The following LRRD1 variants were observed in gnomAD, a reference collection of about 807,000 sequenced individuals.
The protein encoded by LRRD1 is leucine-rich repeat and death domain-containing protein 1.
Under a neutral mutation model 69.5 loss-of-function variants are expected in LRRD1, and 49 were observed. The observed-to-expected ratio is 0.70, with a 90% CI of 0.56 to 0.89. LRRD1 has a LOEUF of 0.89. LRRD1 is among the 40% of genes least tolerant of loss of function. The probability of loss-of-function intolerance (pLI) is 0.00; values close to 1 mark genes in which losing one functional copy is unlikely to be tolerated. For synonymous variants in LRRD1, 303 were observed against 338.9 expected (o/e 0.89, Z 1.16); for missense variants, 853 against 956.0 (o/e 0.89, Z 1.42).
chr7:92,163,411 T>C lies in LRRD1; in HGVS notation c.1792A>G (p.Ile598Val). 1 of 1,547,966 alleles carries C rather than the reference T, an allele frequency of 6.5e-7. No homozygotes were observed. Reference sequence around the variant, plus strand: ...TTCTGGATTCCTTTTAAATTACAGATGTCTGAAGAGATTTTCTGTAATTGG... The same window carrying C: ...TTCTGGATTCCTTTTAAATTACAGACGTCTGAAGAGATTTTCTGTAATTGG... ...ENQLQKISSD[I>V]CNLKGIQKLN... The change falls in exon 2 of 6, where the codon ATC becomes GTC. Residue 598 changes from isoleucine (I) to valine (V), a missense_variant. By Grantham distance (29) the Ile-to-Val change is conservative. Around this residue, in one of 3 missense-constraint regions of LRRD1, gnomAD observed 739 missense variants for 808.0 expected, o/e 0.91. Coordinates refer to ENST00000458448, the MANE Select transcript of LRRD1 (RefSeq NM_001161528.2).
rs1036838271 is a variant in LRRD1 at position 92,145,031 on chromosome 7, A to G, written c.2440T>C (p.Trp814Arg). 3.3e-6 allele frequency: 5 copies of G among 1,524,806 alleles called. No individual in the cohort carries two copies. The highest frequency in any genetic ancestry group is 1.7e-4 in the Middle Eastern group (1 of 5,874). 94.5% of individuals were successfully genotyped at this position (1,524,806 alleles called of 1,614,324 possible). ...GATAACTTGTTACTTTGTGTTTTCC[A>G]TATAACAAGTGCTTGGTGGGCTCTC... The part of the protein sequence containing the change: ...SERAHQALVI[W>R]KTQSNKLSLT... Residue 814 changes from tryptophan to arginine, a missense_variant, in exon 6 of 6, where the codon TGG becomes CGG. This residue lies in a region of LRRD1 where 739 missense variants were observed against 808.0 expected (regional missense o/e 0.91). Transcript: ENST00000458448.
intron 1 of LRRD1, among the ~76,000 whole-genome samples, chr7:92,167,895 AAAAAAAAAAAAAAT>A (rs1788952463): frequency 2.7e-5 from 4 of 149,270 alleles, no homozygotes; most frequent in Non-Finnish European, 5.9e-5. Flanking sequence ...AAAAAAAAAA[AAAAAAAAAAAAAAT>A]AAGTTATTCT....
intron 1 of LRRD1, among the ~76,000 whole-genome samples, chr7:92,168,931 G>A (rs1383670574): frequency 6.6e-6 from 1 of 152,098 alleles, no homozygotes; most frequent in East Asian, 1.9e-4. Flanking sequence ...GTTTTGTTTT[G>A]TTTTTTTGAG....
At chr7:92,148,964 C>G (rs776060287) in intron 4 of LRRD1, among the ~76,000 whole-genome samples, 1 of 152,124 alleles carries the variant, frequency 6.6e-6, no homozygotes, top group Admixed American at 6.5e-5. Flanking sequence ...GGCCAGGCTG[C>G]TCTTGAACTC....
At chr7:92,156,760 AT>A (rs879551626) in intron 3 of LRRD1, among the ~76,000 whole-genome samples, 5 of 151,996 alleles carry the variant, frequency 3.3e-5, no homozygotes, top group Non-Finnish European at 7.4e-5. Flanking sequence ...TTTACTTTTT[AT>A]TTCTTTTTCT....
intron 3 of LRRD1, among the ~76,000 whole-genome samples, chr7:92,153,281 T>A (rs1298682453): frequency 6.6e-6 from 1 of 151,024 alleles, no homozygotes; most frequent in African/African-American, 2.4e-5. Flanking sequence ...GCTAGGCTGA[T>A]CTTGAACTAC....
In LRRD1 at chr7:92,164,120, C is replaced by G. The variant is rs1158247922; in HGVS notation, c.1083G>C (p.Leu361Phe). ...IKELQLADNKLEVISHKIENF... is the reference protein window; with the variant it reads ...IKELQLADNKFEVISHKIENF... ...TCTCAATTTTGTGTGAAATAACTTC[C>G]AATTTATTGTCGGCCAGTTGGAGTT... The change falls in exon 2 of 6, where the codon TTG (leucine) becomes TTC (phenylalanine). Residue 361 changes from leucine (L) to phenylalanine (F), a missense_variant. Physicochemically the swap from Leu to Phe is conservative, Grantham distance 22 (BLOSUM62 0). Transcript: ENST00000458448. 6.5e-7 allele frequency: 1 copy of G among 1,549,130 alleles called. No homozygotes were observed. Among genetic ancestry groups the G allele is most frequent in the Non-Finnish European group, 8.7e-7 (1 of 1,146,146 alleles).
intron 3 of LRRD1, among the ~76,000 whole-genome samples, chr7:92,157,513 G>T (rs937236644): frequency 6.6e-6 from 1 of 151,832 alleles, no homozygotes; most frequent in Non-Finnish European, 1.5e-5. Context: ...TTTTATGACA[G>T]AATTTTTTAA....
At chr7:92,159,715 G>A (rs190224934) in intron 2 of LRRD1, among the ~76,000 whole-genome samples, 4 of 150,080 alleles carry the variant, frequency 2.7e-5, no homozygotes, top group South Asian at 2.1e-4. Flanking sequence ...TCTGCCTACC[G>A]GGTTCAAGCA....
At chr7:92,178,684 A>C (rs1041855599) in intron 1 of LRRD1, among the ~76,000 whole-genome samples, 4 of 152,124 alleles carry the variant, frequency 2.6e-5, no homozygotes, top group African/African-American at 9.7e-5. Flanking sequence ...AAATAAATAA[A>C]TACATACATA....
intron 1 of LRRD1, among the ~76,000 whole-genome samples, chr7:92,168,034 C>T (rs2131015328): frequency 6.6e-6 from 1 of 152,024 alleles, no homozygotes; most frequent in Admixed American, 6.5e-5. Flanking sequence ...CTCCCACCAA[C>T]AGAAGCCAAA....
intron 1 of LRRD1, among the ~76,000 whole-genome samples, chr7:92,166,523 A>C (rs1028501434): frequency 1.3e-5 from 2 of 152,242 alleles, no homozygotes; most frequent in Non-Finnish European, 2.9e-5. Context: ...AAAATGTAAA[A>C]ATTCTAAACA....
intron 1 of LRRD1, among the ~76,000 whole-genome samples, chr7:92,173,407 C>G (rs927127649): frequency 6.6e-6 from 1 of 152,142 alleles, no homozygotes; most frequent in Non-Finnish European, 1.5e-5. Flanking sequence ...AGTGAAGAGA[C>G]AGCCCACACA....
intron 2 of LRRD1, among the ~76,000 whole-genome samples, chr7:92,162,315 G>A (rs1464002631): frequency 2.0e-5 from 3 of 152,156 alleles, no homozygotes; most frequent in African/African-American, 7.2e-5. Context: ...TATTCTTTAA[G>A]AGAAGAACCC....
At chr7:92,153,600 C>T (rs564855776) in intron 3 of LRRD1, among the ~76,000 whole-genome samples, 139 of 151,008 alleles carry the variant, frequency 9.2e-4, no homozygotes, top group African/African-American at 3.2e-3. Context: ...GAGGCCAAGG[C>T]GGGTGGATAA....
At chr7:92,159,545 GC>G (rs1271209745) in intron 2 of LRRD1, among the ~76,000 whole-genome samples, 1 of 76,620 alleles carries the variant, frequency 1.3e-5, no homozygotes, top group Non-Finnish European at 2.5e-5. Flanking sequence ...CTTCTTTCCC[GC>G]CCCCCTCCCA....
intron 1 of LRRD1, among the ~76,000 whole-genome samples, chr7:92,178,560 C>T (rs1789247530): frequency 6.6e-6 from 1 of 151,658 alleles, no homozygotes; most frequent in Admixed American, 6.6e-5. Flanking sequence ...ATCCTAATTA[C>T]TCGGGAGGCT....
At chr7:92,144,488 G>A (rs1343066327), downstream of LRRD1, among the ~76,000 whole-genome samples, 6 of 151,870 alleles carry the variant, frequency 4.0e-5, no homozygotes, top group Admixed American at 6.6e-5. Flanking sequence ...TTATCCCGGC[G>A]TGGTGGTGGG....
downstream of LRRD1, chr7:92,142,503 G>C (rs533178715): frequency 3.9e-5 from 18 of 456,712 alleles, no homozygotes; most frequent in African/African-American, 3.2e-4. Context: ...TCTGCAAAAA[G>C]ATCCAAAAGA....
Sources: gnomAD v4.1 joint callset for allele counts (sites outside exome capture counted in the v4.1 genomes callset) on GRCh38, gnomAD v4.1.1 for gene constraint, gnomAD v4.1.1 regional missense constraint, MANE v1.5 for transcripts, NCBI Gene and HGNC (gene_info 2026-07-23, HGNC 2026-07-21) for gene names.